Variants in CCDC171 observed in about 807,000 individuals in gnomAD.
CCDC171 encodes coiled-coil domain containing 171.
Under a neutral mutation model 168.2 loss-of-function variants are expected in CCDC171, and 177 were observed. The ratio of observed to expected loss-of-function variants is 1.05; its 90% CI spans 0.93 to 1.19. The LOEUF (loss-of-function observed/expected upper bound fraction) is 1.19. Ranked by LOEUF, CCDC171 falls within the 50% of genes most tolerant of loss-of-function variation. CCDC171 has a pLI of 0.00. For missense variants in CCDC171, 1,991 were observed against 1,539.0 expected (o/e 1.29, Z -4.91); for synonymous variants, 687 against 540.8 (o/e 1.27, Z -3.75).
chr9:15,602,751 G>A (rs1456058627), intron 6 of CCDC171, among the ~76,000 whole-genome samples: 2 of 148,054 alleles, frequency 1.4e-5, no homozygotes, highest in African/African-American at 5.0e-5. Context: ...TCCGCCTCCC[G>A]GGTTTAAGCG....
chr9:15,631,627 T>C (rs1450265166), intron 7 of CCDC171, among the ~76,000 whole-genome samples: 1 of 152,150 alleles, frequency 6.6e-6, no homozygotes, highest in African/African-American at 2.4e-5. Flanking sequence ...CTGAAACTAT[T>C]CCAGTCAATA....
chr9:15,783,361 T>C (rs2057765496), intron 20 of CCDC171, among the ~76,000 whole-genome samples: 1 of 152,230 alleles, frequency 6.6e-6, no homozygotes, highest in Non-Finnish European at 1.5e-5. Flanking sequence ...AGTTACTAGA[T>C]GCTTAGAATC....
intron 21 of CCDC171, among the ~76,000 whole-genome samples, chr9:15,807,744 G>A (rs1472979128): frequency 1.3e-5 from 2 of 151,596 alleles, no homozygotes; most frequent in Non-Finnish European, 1.5e-5. Context: ...ATTTTTTAGG[G>A]TAATTTCTTC....
rs569224639 is a variant in CCDC171, at chr9:15,600,124, C to T, written c.675+5952C>T. Among the ~76,000 whole-genome samples the T allele has an allele frequency of 1.1e-4, 16 of 152,292 alleles. No homozygotes were observed. In the South Asian group the frequency reaches 3.3e-3, roughly 32 times the overall value. ...TCGGAGTAGTTTGATTGTCTGAAGCCTTCTTCTCTCAACTCGTCAGTCATT... is the reference window on the plus strand; with the variant it reads ...TCGGAGTAGTTTGATTGTCTGAAGCTTTCTTCTCTCAACTCGTCAGTCATT... On this transcript the variant is annotated intron_variant, in intron 6 of 25. Transcript: ENST00000380701.
At chr9:16,054,600 A>G (rs1330544500) in intron 1 of CCDC171, among the ~76,000 whole-genome samples, 3 of 152,178 alleles carry the variant, frequency 2.0e-5, no homozygotes, top group East Asian at 1.9e-4. Context: ...CCTGTCTGGA[A>G]TAGAGCCAGG....
intron 6 of CCDC171, among the ~76,000 whole-genome samples, chr9:16,032,881 T>G (rs568541945): frequency 1.3e-5 from 2 of 152,158 alleles, no homozygotes; most frequent in Non-Finnish European, 2.9e-5. Context: ...CAGGGACAAA[T>G]GCACAGGCTC....
At chr9:15,738,724 G>T (rs893790945) in intron 16 of CCDC171, among the ~76,000 whole-genome samples, 1 of 152,082 alleles carries the variant, frequency 6.6e-6, no homozygotes, top group Non-Finnish European at 1.5e-5. Flanking sequence ...CAATACCTCT[G>T]AAAGTAGTTC....
intron 4 of CCDC171, among the ~76,000 whole-genome samples, chr9:15,585,543 G>A (rs960285376): frequency 8.5e-5 from 13 of 152,110 alleles, no homozygotes; most frequent in East Asian, 1.9e-4. Context: ...CTAATCATTG[G>A]TGAAAAAAAG....
intron 8 of CCDC171, 129 bp from the exon 9 acceptor site, chr9:15,666,034 T>C (rs2048709608): frequency 1.3e-6 from 1 of 762,202 alleles, no homozygotes. Context: ...TTTTCTTTTT[T>C]AAGCCAAAGC....
At chr9:15,645,799 T>G (rs1162591580) in intron 7 of CCDC171, among the ~76,000 whole-genome samples, 3 of 152,098 alleles carry the variant, frequency 2.0e-5, no homozygotes, top group African/African-American at 7.2e-5. Context: ...ACAGGGAGAA[T>G]GGAACCGAGT....
At chr9:16,034,555 C>G (rs1225921539) in intron 6 of CCDC171, among the ~76,000 whole-genome samples, 1 of 152,136 alleles carries the variant, frequency 6.6e-6, no homozygotes, top group Non-Finnish European at 1.5e-5. Flanking sequence ...GAGGTCATTA[C>G]TGTAATTAGA....
At chr9:16,085,015 G>T in the CCDC171 span, among the ~76,000 whole-genome samples, 1 of 152,190 alleles carries the variant, frequency 6.6e-6, no homozygotes, top group Non-Finnish European at 1.5e-5. Flanking sequence ...GCCTACTTTT[G>T]GTAGGTTTTA....
chr9:15,928,668 A>T (rs905648455), intron 25 of CCDC171, among the ~76,000 whole-genome samples: 6 of 151,710 alleles, frequency 4.0e-5, no homozygotes, highest in African/African-American at 1.5e-4. Flanking sequence ...TTAGATTTTC[A>T]TTAAGTTCTC....
Position 15,820,184 on chromosome 9 carries a change from C to T in CCDC171, c.3268-26518C>T, listed in dbSNP as rs1588681652. Among the ~76,000 whole-genome samples, 2 of 115,836 alleles carry T rather than the reference C, an allele frequency of 1.7e-5. 1 individual carries two copies. The allele number at this position is 115,836 out of a possible 152,430, so 76.0% of individuals were successfully genotyped here. ...CATACCAGAATCTCTGGGACACATT[C>T]AAAGCAGTGTGTAGAGGGAAATTTT... On this transcript the variant is annotated intron_variant, in intron 21 of 25. Coordinates refer to ENST00000380701, the MANE Select transcript of CCDC171 (RefSeq NM_173550.4).
At chr9:15,700,363 C>G (rs1364122248) in intron 11 of CCDC171, among the ~76,000 whole-genome samples, 1 of 152,244 alleles carries the variant, frequency 6.6e-6, no homozygotes, top group Non-Finnish European at 1.5e-5. Context: ...CCACGCCCAC[C>G]CGGAACTCCA....
chr9:15,828,558 G>A (rs2136206400), intron 21 of CCDC171, among the ~76,000 whole-genome samples: 1 of 152,156 alleles, frequency 6.6e-6, no homozygotes, highest in East Asian at 1.9e-4. Flanking sequence ...GCTCTTCCTG[G>A]GTCAAAACAC....
the CCDC171 span, among the ~76,000 whole-genome samples, chr9:16,071,662 A>T: frequency 1.3e-5 from 2 of 152,164 alleles, no homozygotes; most frequent in African/African-American, 4.8e-5. Flanking sequence ...TCGCTTCCCA[A>T]CCCTGGAATC....
chr9:15,834,618 G>T lies in CCDC171; in HGVS notation c.3268-12084G>T, dbSNP rs77288178. 7.9e-3 allele frequency among the ~76,000 whole-genome samples: 1,204 copies of T among 152,250 alleles called. 11 individuals carry two copies. The highest frequency in any genetic ancestry group is 0.028 in the African/African-American group (1,147 of 41,552). ...AATGCTTTGATCTTATGGAGTGCTGGCGAGTATTATTTTCTATGTTTTAGT... is the reference window on the plus strand; with the variant it reads ...AATGCTTTGATCTTATGGAGTGCTGTCGAGTATTATTTTCTATGTTTTAGT... On this transcript the variant is annotated intron_variant, in intron 21 of 25. Coordinates refer to ENST00000380701, the MANE Select transcript of CCDC171 (RefSeq NM_173550.4).
rs1400182728 is a variant in CCDC171 at position 15,649,228 on chromosome 9, AC to A, written c.823-7897del. The stretch of plus-strand genomic sequence containing the variant: ...AGCTGAAGCTGGATTCCTTCCTTAC[AC>A]CTTATACAAAAGTTAATTCAAGATG... On this transcript the variant is annotated intron_variant, in intron 7 of 25. Coordinates refer to ENST00000380701, the MANE Select transcript of CCDC171 (RefSeq NM_173550.4). 7.9e-5 allele frequency among the ~76,000 whole-genome samples: 12 copies of A among 152,278 alleles called. No individual in the cohort carries two copies. The East Asian group carries it at 2.1e-3, about 27-fold the overall frequency.
Sources: gnomAD v4.1 joint callset for allele counts (sites outside exome capture counted in the v4.1 genomes callset) on GRCh38, gnomAD v4.1.1 for gene constraint, MANE v1.5 for transcripts, NCBI Gene and HGNC (gene_info 2026-07-23, HGNC 2026-07-21) for gene names.